HERC6: variants seen among roughly 807,000 people sequenced by gnomAD.
HERC6 encodes the protein probable E3 ubiquitin-protein ligase HERC6.
Under a neutral mutation model 114.5 loss-of-function variants are expected in HERC6, and 101 were observed. The observed-to-expected ratio is 0.88, with a 90% confidence interval of 0.75 to 1.04. HERC6 has a LOEUF of 1.04. Among genes scored for constraint, HERC6 ranks in the 50% least tolerant of loss-of-function variants. The pLI, the probability that HERC6 is intolerant of heterozygous loss-of-function variation, is 0.00. For synonymous variants in HERC6, 408 were observed against 436.2 expected, an observed-to-expected ratio of 0.94 and a Z score of 0.81; for missense variants, 1,133 against 1,230.9, an observed-to-expected ratio of 0.92 and a Z score of 1.19.
At chr4:88,435,297 C>T (rs1738625735) in intron 17 of HERC6, among the ~76,000 whole-genome samples, 1 of 151,998 alleles carries the variant, frequency 6.6e-6, no homozygotes, top group Non-Finnish European at 1.5e-5. Flanking sequence ...AGTTGTGGGG[C>T]TGCATTGCCA....
At chr4:88,398,323 G>A in intron 8 of HERC6, 114 bp downstream of exon 8, 7 of 510,602 alleles carry the variant, frequency 1.4e-5, no homozygotes, top group Non-Finnish European at 2.3e-5. Context: ...AAAACAATAA[G>A]GTCCTATATT....
chr4:88,421,608 G>T (rs911053453), intron 13 of HERC6, among the ~76,000 whole-genome samples: 3 of 151,894 alleles, frequency 2.0e-5, no homozygotes, highest in Non-Finnish European at 2.9e-5. Flanking sequence ...CCCCATGCCT[G>T]GCTAATTTTT....
chr4:88,407,007 C>T (rs1264960547), intron 10 of HERC6, among the ~76,000 whole-genome samples: 2 of 152,098 alleles, frequency 1.3e-5, no homozygotes, highest in South Asian at 2.1e-4. Context: ...GATCCACCCA[C>T]CTTGGCCTCC....
chr4:88,381,215 A>G (rs1734299588), intron 1 of HERC6, among the ~76,000 whole-genome samples: 1 of 152,072 alleles, frequency 6.6e-6, no homozygotes. Flanking sequence ...TTTTTCCTCT[A>G]CCCTCTTAGG....
At position 88,378,988 on chromosome 4, in the gene HERC6, G is replaced by A; in HGVS notation, c.67G>A (p.Ala23Thr). The change falls in exon 1 of 23, where the codon GCT becomes ACT. Residue 23 changes from alanine (A) to threonine (T), a missense_variant. Ala to Thr is a moderately conservative substitution (Grantham distance 58). This residue lies in a region of HERC6 where 735 missense variants were observed against 754.0 expected (regional missense o/e 0.97). Transcript: ENST00000264346. ...CCGGAGGACGGCGGGCAGCCCCGGG[G>A]CTGAGCTACTGCAGGCGGCCAGCGG... is the stretch of plus-strand genomic sequence containing the variant. ...QRRRTAGSPG[A>T]ELLQAASGER... 1 of 1,581,602 alleles carries A rather than the reference G, an allele frequency of 6.3e-7. No homozygotes were observed. The highest frequency in any genetic ancestry group is 8.6e-7 in the Non-Finnish European group (1 of 1,165,356).
Position 88,439,943 on chromosome 4 carries a change from TCA to T in HERC6, c.2626_2627del (p.Gln876GlufsTer5). 6.2e-7 allele frequency: 1 copy of T among 1,609,910 alleles called. No individual in the cohort carries two copies. Among genetic ancestry groups the T allele is most frequent in the Non-Finnish European group, 8.5e-7 (1 of 1,178,070 alleles). On this transcript the variant is annotated frameshift_variant, in exon 21 of 23. Transcript: ENST00000264346. LOFTEE classifies it high-confidence loss of function. ...VSVKAVYEEFQRGFYRVCEKE... is the reference protein window; with the variant it reads ...VSVKAVYEEFXRGFYRVCEKE... ...CTGTAAAAGCAGTTTATGAGGAATT[TCA>T]GAGAGGATTTTATAGAGTCTGTGAG...
In HERC6 at chr4:88,431,385, G is replaced by A. The variant is rs533239201; in HGVS notation, c.2250+80G>A. ...TGCAACATTAACACCATAGATAGTG[G>A]TGTAAAATTAGGTCATATAGAGCTT... On this transcript the variant is annotated intron_variant, in intron 17 of 22. Coordinates refer to ENST00000264346, the MANE Select transcript of HERC6 (RefSeq NM_017912.4). The A allele has an allele frequency of 1.8e-5, 26 of 1,462,772 alleles. No individual in the cohort carries two copies. The South Asian group carries it at 2.9e-4, about 16-fold the overall frequency. 90.6% of individuals were successfully genotyped at this position (1,462,772 alleles called of 1,614,324 possible). A position where few individuals can be genotyped will look rare whatever the true frequency, so the allele number is the denominator to read the frequency against.
intron 10 of HERC6, among the ~76,000 whole-genome samples, chr4:88,406,403 G>A (rs540207831): frequency 7.2e-5 from 11 of 152,294 alleles, no homozygotes; most frequent in South Asian, 2.1e-4. Flanking sequence ...ATTACTTGCC[G>A]TTGTACAACC....
intron 3 of HERC6, among the ~76,000 whole-genome samples, chr4:88,388,915 C>T (rs1734746310): frequency 6.6e-6 from 1 of 152,148 alleles, no homozygotes; most frequent in Non-Finnish European, 1.5e-5. Context: ...CACTTCCAGC[C>T]CTACTGAATA....
intron 10 of HERC6, among the ~76,000 whole-genome samples, chr4:88,406,504 A>C (rs566843010): frequency 1.3e-5 from 2 of 152,292 alleles, no homozygotes; most frequent in South Asian, 4.1e-4. Flanking sequence ...AACTTCACCT[A>C]AGGCTAATTC....
chr4:88,379,057 T>G lies in HERC6; in HGVS notation c.136T>G (p.Ser46Ala). Residue 46 changes from serine to alanine, a missense_variant, in exon 1 of 23, where the codon TCG (serine) becomes GCG (alanine). Physicochemically the swap from Ser to Ala is moderately conservative, Grantham distance 99. This residue lies in a region of HERC6 where 735 missense variants were observed against 754.0 expected (regional missense o/e 0.97). Transcript: ENST00000264346. The stretch of plus-strand genomic sequence containing the variant: ...GCTGCTGACCAACCACAGGGTCCTC[T>G]CGTGCGGAGACAACAGCAGGGGTCA... ...LLLLTNHRVL[S>A]CGDNSRGQLG... 3.9e-6 allele frequency: 6 copies of G among 1,556,770 alleles called. No homozygotes were observed. Among genetic ancestry groups the G allele is most frequent in the Non-Finnish European group, 5.2e-6 (6 of 1,151,730 alleles).
chr4:88,424,023 C>A, intron 14 of HERC6, 50 bp downstream of exon 14: 2 of 889,012 alleles, frequency 2.2e-6, no homozygotes, highest in Non-Finnish European at 3.5e-6. Context: ...TAAAGGAAGA[C>A]ACATTACTGT....
chr4:88,390,515 A>G, intron 3 of HERC6, 137 bp from the exon 4 acceptor site: 2 of 757,794 alleles, frequency 2.6e-6, no homozygotes, highest in Non-Finnish European at 4.2e-6. Flanking sequence ...CATATTGTAT[A>G]CCTTAAATAG....
At chr4:88,412,612 A>T (rs1736176903) in intron 11 of HERC6, among the ~76,000 whole-genome samples, 1 of 152,206 alleles carries the variant, frequency 6.6e-6, no homozygotes, top group Non-Finnish European at 1.5e-5. Context: ...TTACCTCTGG[A>T]TGAAATAAAT....
intron 12 of HERC6, among the ~76,000 whole-genome samples, chr4:88,415,553 C>T (rs1013634485): frequency 2.6e-5 from 4 of 152,204 alleles, no homozygotes; most frequent in Admixed American, 2.0e-4. Context: ...TATCAATTTA[C>T]ACTTCATCAA....
chr4:88,412,093 C>G (rs1191455571), intron 11 of HERC6, among the ~76,000 whole-genome samples: 1 of 152,146 alleles, frequency 6.6e-6, no homozygotes, highest in Non-Finnish European at 1.5e-5. Context: ...TCGAGTAACG[C>G]TGACTTCCTC....
Position 88,413,250 on chromosome 4 carries a change from A to G in HERC6, c.1542A>G (p.Gln514=), listed in dbSNP as rs1560549997. The G allele has an allele frequency of 6.2e-7, 1 of 1,612,338 alleles. No homozygotes were observed. Among genetic ancestry groups the G allele is most frequent in the East Asian group, 2.2e-5 (1 of 44,840 alleles). The change falls in exon 12 of 23, where the codon CAA becomes CAG. Residue 514 remains glutamine, a synonymous_variant. Coordinates refer to ENST00000264346, the MANE Select transcript of HERC6 (RefSeq NM_017912.4). ...FAKAVCEMSK[Q]SLQVLKKCWA... ...AGGCTGTGTGTGAAATGAGTAAACA[A>G]TCTTTGCAAGTCCTAAGTAAGTTTT...
At chr4:88,400,154 A>G (rs746978233) in intron 8 of HERC6, among the ~76,000 whole-genome samples, 110 of 152,204 alleles carry the variant, frequency 7.2e-4, no homozygotes, top group Non-Finnish European at 1.5e-3. Flanking sequence ...CAAACAAGCC[A>G]AGAGAAGAAA....
At chr4:88,412,388 C>T (rs1736157453) in intron 11 of HERC6, among the ~76,000 whole-genome samples, 1 of 152,116 alleles carries the variant, frequency 6.6e-6, no homozygotes, top group Non-Finnish European at 1.5e-5. Flanking sequence ...GGAGTATCAC[C>T]TGAGCCCAAG....
Sources: gnomAD v4.1 joint callset for allele counts (sites outside exome capture counted in the v4.1 genomes callset) on GRCh38, gnomAD v4.1.1 for gene constraint, gnomAD v4.1.1 regional missense constraint, MANE v1.5 for transcripts, NCBI Gene and HGNC (gene_info 2026-07-23, HGNC 2026-07-21) for gene names.